PUDP: variants seen among roughly 807,000 people sequenced by gnomAD.
PUDP encodes pseudouridine-5'-phosphatase.
Under a neutral mutation model 9.4 loss-of-function variants are expected in PUDP, and 8 were observed. The observed-to-expected ratio is 0.85, with a 90% CI of 0.50 to 1.53. The LOEUF (loss-of-function observed/expected upper bound fraction) is 1.53. Ranked by LOEUF, PUDP falls within the 40% of genes most tolerant of loss-of-function variation. PUDP has a pLI of 0.00. For synonymous variants in PUDP, 99 were observed against 80.7 expected (o/e 1.23, Z -1.22); for missense variants, 188 against 189.7 (o/e 0.99, Z 0.05).
chrX:6,961,038 A>G (rs1928700023), intron 3 of PUDP, among the ~76,000 whole-genome samples: 1 of 111,327 alleles, frequency 9.0e-6, no homozygotes, highest in South Asian at 3.8e-4. Flanking sequence ...CACTCTCCTT[A>G]TTTTTTTCTA....
At chrX:6,750,184 G>A (rs2040039057) in intron 3 of PUDP, among the ~76,000 whole-genome samples, 1 of 111,722 alleles carries the variant, frequency 9.0e-6, no homozygotes, top group African/African-American at 3.3e-5. Flanking sequence ...TGTTCAAAAG[G>A]CTGGATCTGC....
Position 6,765,349 on chromosome X carries a change from T to A in PUDP, c.*248-58883A>T, listed in dbSNP as rs753744360. ...AGAAAGCCCTGAAAATACCTAGAAC[T>A]AACCTTAACAAGAAATATGTAAAAC... On this transcript the variant is annotated intron_variant and NMD_transcript_variant, in intron 3 of 3. Coordinates refer to the PUDP transcript ENST00000655425. Among the ~76,000 whole-genome samples the A allele has an allele frequency of 1.5e-4, 17 of 111,627 alleles. No individual in the cohort carries two copies. In the Admixed American group the frequency reaches 1.5e-3, roughly 10 times the overall value.
At chrX:7,116,938 G>A in intron 1 of PUDP, 2 of 1,162,494 alleles carry the variant, frequency 1.7e-6, no homozygotes, top group Non-Finnish European at 2.3e-6. Flanking sequence ...TCATGCTTTT[G>A]CCATGTTACA....
chrX:7,076,239 T>C (rs1430856039), intron 3 of PUDP, among the ~76,000 whole-genome samples: 1 of 112,114 alleles, frequency 8.9e-6, no homozygotes, highest in African/African-American at 3.2e-5. Flanking sequence ...GAGCTCGTGA[T>C]TGGTGTCACT....
intron 3 of PUDP, among the ~76,000 whole-genome samples, chrX:6,746,707 G>A (rs1181409390): frequency 9.0e-6 from 1 of 110,903 alleles, no homozygotes; most frequent in Admixed American, 9.6e-5. Context: ...TGAGGATAAT[G>A]GTTTCCAGCT....
intron 2 of PUDP, chrX:7,085,143 G>A (rs1041094195): frequency 8.9e-6 from 1 of 112,425 alleles, no homozygotes; most frequent in East Asian, 2.8e-4. Context: ...AGATCTGATG[G>A]AGTAATGCAG....
chrX:6,815,541 A>G (rs886153739), intron 3 of PUDP, among the ~76,000 whole-genome samples: 1 of 111,835 alleles, frequency 8.9e-6, no homozygotes, highest in East Asian at 2.8e-4. Flanking sequence ...AAAGCAATTC[A>G]GGGCCTCTTG....
At chrX:6,891,533 C>T (rs1927515658) in intron 3 of PUDP, among the ~76,000 whole-genome samples, 1 of 112,252 alleles carries the variant, frequency 8.9e-6, no homozygotes. Flanking sequence ...GCTGTTCTCC[C>T]CAGCTCCCAA....
downstream of PUDP, among the ~76,000 whole-genome samples, chrX:7,044,107 A>G (rs1929955584): frequency 8.9e-6 from 1 of 111,921 alleles, no homozygotes; most frequent in Non-Finnish European, 1.9e-5. Context: ...GTATTTGCAA[A>G]GCAGCAGTTC....
chrX:7,101,400 T>C (rs1931729866), intron 2 of PUDP, among the ~76,000 whole-genome samples: 1 of 111,799 alleles, frequency 8.9e-6, no homozygotes, highest in Non-Finnish European at 1.9e-5. Flanking sequence ...CCTGGCTGGT[T>C]GTTCACCTTC....
intron 3 of PUDP, among the ~76,000 whole-genome samples, chrX:6,909,818 G>T (rs752786857): frequency 8.9e-6 from 1 of 112,385 alleles, no homozygotes; most frequent in Non-Finnish European, 1.9e-5. Flanking sequence ...GCTGATTGAT[G>T]GATTTTAGTT....
chrX:6,861,228 G>GTT (rs1926997019), intron 3 of PUDP, among the ~76,000 whole-genome samples: 1 of 111,864 alleles, frequency 8.9e-6, no homozygotes, highest in South Asian at 3.8e-4. Context: ...CCCCCAGGAG[G>GTT]TTTAGGCATT....
chrX:6,771,939 T>C (rs994471015), intron 3 of PUDP, among the ~76,000 whole-genome samples: 8 of 112,767 alleles, frequency 7.1e-5, no homozygotes, highest in African/African-American at 2.6e-4. Context: ...TGTAGTTTTC[T>C]AGTCCCTCCA....
chrX:7,021,425 C>A (rs747895931), intron 1 of PUDP, among the ~76,000 whole-genome samples: 1 of 111,357 alleles, frequency 9.0e-6, no homozygotes, highest in Non-Finnish European at 1.9e-5. Context: ...GCCTTTAATG[C>A]ACCCCCCCTT....
At chrX:6,735,215 T>C (rs1429143288) in intron 3 of PUDP, among the ~76,000 whole-genome samples, 1 of 111,751 alleles carries the variant, frequency 8.9e-6, no homozygotes, top group African/African-American at 3.3e-5. Context: ...GGTTTCTTTT[T>C]AACCAAGTTA....
At chrX:6,811,914 G>T (rs1926150478) in intron 3 of PUDP, among the ~76,000 whole-genome samples, 1 of 112,572 alleles carries the variant, frequency 8.9e-6, no homozygotes, top group Non-Finnish European at 1.9e-5. Flanking sequence ...ATGCAATTCA[G>T]ATGTAGAAAG....
chrX:7,082,463 G>C (rs1204692350), intron 2 of PUDP, among the ~76,000 whole-genome samples: 1 of 112,118 alleles, frequency 8.9e-6, no homozygotes, highest in Non-Finnish European at 1.9e-5. Context: ...GAATCAAGTG[G>C]GGGGTACCGG....
chrX:7,020,228 T>C (rs1415753617), intron 1 of PUDP, among the ~76,000 whole-genome samples: 2 of 110,838 alleles, frequency 1.8e-5, no homozygotes, highest in African/African-American at 3.3e-5. Context: ...TGCCACCATG[T>C]TGAGCCAGGA....
chrX:7,004,547 G>A lies in PUDP; in HGVS notation c.205-26204C>T, dbSNP rs781352851. Among the ~76,000 whole-genome samples, 11 of 112,042 alleles carry A rather than the reference G, an allele frequency of 9.8e-5. No homozygotes were observed. In the South Asian group the frequency reaches 1.1e-3, roughly 11 times the overall value. ...AATTTTCCATACAAACATATACAAT[G>A]TACCACAACATAAAGATCATAATGA... On this transcript the variant is annotated intron_variant and NMD_transcript_variant, in intron 1 of 3. Coordinates refer to the PUDP transcript ENST00000655425.
Sources: gnomAD v4.1 joint callset for allele counts (sites outside exome capture counted in the v4.1 genomes callset) on GRCh38, gnomAD v4.1.1 for gene constraint, MANE v1.5 for transcripts, NCBI Gene and HGNC (gene_info 2026-07-23, HGNC 2026-07-21) for gene names.